ACTR3: variants seen among roughly 807,000 people sequenced by gnomAD.
ACTR3 encodes the protein actin related protein 3.
ACTR3 carries 12 observed loss-of-function variants against 56.8 expected under a neutral mutation model. The observed-to-expected ratio is 0.21, with a 90% CI of 0.14 to 0.34. The LOEUF is 0.34. ACTR3 is among the 10% of genes least tolerant of loss of function. ACTR3 has a pLI of 1.00. For synonymous variants in ACTR3, 162 were observed against 167.4 expected (o/e 0.97, Z 0.25); for missense variants, 282 against 512.5 (o/e 0.55, Z 4.34).
intron 1 of ACTR3, chr2:113,890,626 C>A: frequency 7.8e-7 from 1 of 1,278,940 alleles, no homozygotes. Context: ...GCCCAAAGGG[C>A]GCTGGGGACG....
At chr2:113,894,242 AC>A (rs1322096554) in intron 1 of ACTR3, among the ~76,000 whole-genome samples, 2 of 151,950 alleles carry the variant, frequency 1.3e-5, no homozygotes, top group Non-Finnish European at 2.9e-5. Flanking sequence ...ATAGGCGCCC[AC>A]TACCACGCCC....
chr2:113,914,206 G>C (rs1679360622), intron 2 of ACTR3, among the ~76,000 whole-genome samples: 2 of 138,080 alleles, frequency 1.4e-5, no homozygotes, highest in South Asian at 2.2e-4. Context: ...AAGATGTTAG[G>C]CTTTGCCAAA....
chr2:113,911,768 A>G (rs963813568), intron 1 of ACTR3, among the ~76,000 whole-genome samples: 1 of 150,308 alleles, frequency 6.7e-6, no homozygotes, highest in Non-Finnish European at 1.5e-5. Flanking sequence ...ACAGAGTCTC[A>G]CTCTGTCTCC....
At chr2:113,893,362 C>T (rs1403972901) in intron 1 of ACTR3, among the ~76,000 whole-genome samples, 1 of 151,896 alleles carries the variant, frequency 6.6e-6, no homozygotes, top group African/African-American at 2.4e-5. Flanking sequence ...GGCACGATCT[C>T]GGCTCACTGC....
chr2:113,943,724 A>T (rs2104621260), intron 8 of ACTR3, among the ~76,000 whole-genome samples: 1 of 152,374 alleles, frequency 6.6e-6, no homozygotes, highest in Middle Eastern at 3.4e-3. Flanking sequence ...TAACTTGGGC[A>T]ACCCAGTGTG....
At chr2:113,903,970 C>A in intron 1 of ACTR3, 1 of 152,530 alleles carries the variant, frequency 6.6e-6, no homozygotes, top group Non-Finnish European at 1.5e-5. Context: ...CATTCTCCCG[C>A]CTCAGCCTCC....
At chr2:113,933,510 A>T (rs1052419122) in intron 5 of ACTR3, among the ~76,000 whole-genome samples, 3 of 148,752 alleles carry the variant, frequency 2.0e-5, no homozygotes, top group Non-Finnish European at 2.9e-5. Flanking sequence ...TCTGTCTCAA[A>T]GAAAAAAAGA....
intron 1 of ACTR3, among the ~76,000 whole-genome samples, chr2:113,903,216 G>A (rs563770441): frequency 6.6e-6 from 1 of 152,294 alleles, no homozygotes; most frequent in East Asian, 1.9e-4. Context: ...CCCCATATAT[G>A]AGTACATTGT....
chr2:113,919,564 GT>G (rs1432444226), intron 3 of ACTR3, among the ~76,000 whole-genome samples: 1 of 151,950 alleles, frequency 6.6e-6, no homozygotes, highest in Admixed American at 6.6e-5. Flanking sequence ...TTTATGGGAG[GT>G]TTTTGTTTGT....
At chr2:113,890,712 T>G in intron 1 of ACTR3, 1 of 1,092,310 alleles carries the variant, frequency 9.2e-7, no homozygotes, top group Non-Finnish European at 1.1e-6. Context: ...GCCAGTCGGT[T>G]TGGGGACCCA....
chr2:113,904,632 C>G (rs952628293), intron 1 of ACTR3: 1 of 152,144 alleles, frequency 6.6e-6, no homozygotes, highest in African/African-American at 2.4e-5. Context: ...GGTAGAATTC[C>G]TGGGTCAGAT....
chr2:113,931,143 A>G (rs559200491), intron 4 of ACTR3, among the ~76,000 whole-genome samples, 158 bp from the exon 5 acceptor site: 12 of 152,204 alleles, frequency 7.9e-5, no homozygotes, highest in East Asian at 1.9e-4. Context: ...TGAATTCTCT[A>G]TAGTTTTCCT....
At chr2:113,944,488 A>G (rs1462217347) in intron 8 of ACTR3, among the ~76,000 whole-genome samples, 2 of 148,594 alleles carry the variant, frequency 1.3e-5, no homozygotes, top group Non-Finnish European at 3.0e-5. Flanking sequence ...ATGTTTTGGG[A>G]GAAGGGACTG....
chr2:113,957,615 G>A lies in ACTR3; in HGVS notation c.*160G>A. ...AATATTTTAATAAGTGTATCACCAT[G>A]CAGATGTAGAAGAGAGCGAAAGTGA... On this transcript the variant is annotated 3_prime_UTR_variant, in exon 12 of 12. Coordinates refer to ENST00000263238, the MANE Select transcript of ACTR3 (RefSeq NM_005721.5). The A allele has an allele frequency of 1.9e-6, 1 of 539,658 alleles. No homozygotes were observed. The allele number at this position is 539,658 out of a possible 1,614,324, so 33.4% of individuals were successfully genotyped here.
chr2:113,931,545 G>A, intron 5 of ACTR3, 149 bp downstream of exon 5: 1 of 439,844 alleles, frequency 2.3e-6, no homozygotes, highest in East Asian at 3.6e-5. Flanking sequence ...TGTTAATTTA[G>A]AAGTAATATT....
At chr2:113,951,424 G>T in intron 8 of ACTR3, 55 bp from the exon 9 acceptor site, 1 of 1,232,858 alleles carries the variant, frequency 8.1e-7, no homozygotes, top group South Asian at 1.3e-5. Context: ...ACCTTTTATT[G>T]TGATATTTGT....
intron 8 of ACTR3, among the ~76,000 whole-genome samples, chr2:113,942,717 C>T (rs1353594657): frequency 6.6e-6 from 1 of 151,014 alleles, no homozygotes; most frequent in Non-Finnish European, 1.5e-5. Flanking sequence ...CTAGAAAGCT[C>T]CCCCCCTCCC....
intron 1 of ACTR3, among the ~76,000 whole-genome samples, chr2:113,896,006 A>G (rs1032001652): frequency 2.6e-5 from 4 of 151,642 alleles, no homozygotes; most frequent in African/African-American, 9.7e-5. Flanking sequence ...CTACAGGCAC[A>G]TGCCACCATG....
At chr2:113,918,923 T>C (rs753866788) in intron 3 of ACTR3, among the ~76,000 whole-genome samples, 1 of 152,200 alleles carries the variant, frequency 6.6e-6, no homozygotes, top group Admixed American at 6.5e-5. Flanking sequence ...GGGATAGAAA[T>C]GGAAATTGTG....
Sources: allele counts gnomAD v4.1 joint callset (sites outside exome capture counted in the v4.1 genomes callset), GRCh38; gene constraint gnomAD v4.1.1; transcripts MANE v1.5; gene names NCBI Gene and HGNC (gene_info 2026-07-23, HGNC 2026-07-21).